Variants in MECOM observed in about 807,000 individuals in gnomAD.
MECOM encodes MDS1 and EVI1 complex locus.
Under a neutral mutation model 116.3 loss-of-function variants are expected in MECOM, and 13 were observed. The ratio of observed to expected loss-of-function variants is 0.11; its 90% confidence interval spans 0.07 to 0.18. MECOM has a LOEUF of 0.18. Ranked by LOEUF, MECOM falls within the 10% of genes least tolerant of loss-of-function variation. The pLI, the probability that MECOM is intolerant of heterozygous loss-of-function variation, is 1.00. For missense variants in MECOM, 1,299 were observed against 1,509.0 expected (o/e 0.86, Z 2.31); for synonymous variants, 528 against 535.2 (o/e 0.99, Z 0.19).
intron 2 of MECOM, among the ~76,000 whole-genome samples, chr3:169,148,194 G>A (rs1327819596): frequency 6.6e-6 from 1 of 152,120 alleles, no homozygotes; most frequent in East Asian, 1.9e-4. Flanking sequence ...GGTTTAGAGA[G>A]ATTGATGACT....
chr3:169,286,652 A>G (rs1560089861), intron 2 of MECOM, among the ~76,000 whole-genome samples: 2 of 152,214 alleles, frequency 1.3e-5, no homozygotes. Flanking sequence ...TCCCTAGATT[A>G]GAAAGGATTG....
intron 1 of MECOM, among the ~76,000 whole-genome samples, chr3:169,599,505 CTG>C (rs1767565924): frequency 8.1e-6 from 1 of 123,190 alleles, no homozygotes; most frequent in Non-Finnish European, 1.6e-5. Context: ...GAGTGAGACT[CTG>C]TCTCAAAAAA....
chr3:169,171,450 A>T (rs951805850), intron 2 of MECOM, among the ~76,000 whole-genome samples: 1 of 152,172 alleles, frequency 6.6e-6, no homozygotes, highest in South Asian at 2.1e-4. Context: ...GGTATCCAAT[A>T]CATATTTGAG....
At chr3:169,123,504 G>A (rs919374977) in intron 5 of MECOM, among the ~76,000 whole-genome samples, 8 of 151,756 alleles carry the variant, frequency 5.3e-5, no homozygotes, top group African/African-American at 1.9e-4. Flanking sequence ...TCAAATGTTT[G>A]CCCCCATTTT....
intron 1 of MECOM, among the ~76,000 whole-genome samples, chr3:169,534,720 G>T (rs180764082): frequency 1.6e-3 from 251 of 152,222 alleles, no homozygotes; most frequent in Middle Eastern, 6.8e-3. Flanking sequence ...ACTAACACAT[G>T]CAATCCTCAT....
intron 1 of MECOM, among the ~76,000 whole-genome samples, chr3:169,516,364 T>A (rs894823476): frequency 2.6e-5 from 4 of 152,178 alleles, no homozygotes; most frequent in African/African-American, 9.7e-5. Context: ...AAGAAAGCAA[T>A]CTGTTTCAGA....
chr3:169,646,077 C>CT (rs956268332), intron 1 of MECOM, among the ~76,000 whole-genome samples: 2 of 152,072 alleles, frequency 1.3e-5, no homozygotes, highest in Admixed American at 1.3e-4. Flanking sequence ...TGAACTCATC[C>CT]TTTTTTATGG....
intron 1 of MECOM, among the ~76,000 whole-genome samples, chr3:169,524,964 G>C (rs1279549380): frequency 1.4e-5 from 2 of 146,346 alleles, no homozygotes; most frequent in Non-Finnish European, 3.0e-5. Context: ...AAACTAAACT[G>C]CATACTTGTT....
chr3:169,343,399 G>T (rs1045562382), intron 2 of MECOM, among the ~76,000 whole-genome samples: 6 of 152,102 alleles, frequency 3.9e-5, no homozygotes, highest in Non-Finnish European at 8.8e-5. Context: ...CTTGAAAAGT[G>T]CAGTGAGTGG....
At chr3:169,597,286 G>T (rs1421506269) in intron 1 of MECOM, among the ~76,000 whole-genome samples, 5 of 152,240 alleles carry the variant, frequency 3.3e-5, no homozygotes, top group African/African-American at 1.2e-4. Flanking sequence ...GGGCGAAGAG[G>T]TGTGGAAACT....
At chr3:169,109,706 G>T (rs569957561) in intron 9 of MECOM, among the ~76,000 whole-genome samples, 1 of 152,116 alleles carries the variant, frequency 6.6e-6, no homozygotes, top group East Asian at 1.9e-4. Context: ...ATGAGTCACC[G>T]CACCCGGCCT....
intron 1 of MECOM, among the ~76,000 whole-genome samples, chr3:169,614,140 T>A (rs1044600254): frequency 1.3e-5 from 2 of 150,776 alleles, no homozygotes; most frequent in Non-Finnish European, 3.0e-5. Flanking sequence ...TCTCTCTCTT[T>A]CTCTCTCTCA....
intron 2 of MECOM, among the ~76,000 whole-genome samples, chr3:169,147,971 C>G (rs759353864): frequency 6.6e-6 from 1 of 151,868 alleles, no homozygotes; most frequent in African/African-American, 2.4e-5. Context: ...ACAGCAACCT[C>G]AAGAGTGAAA....
chr3:169,312,694 T>C (rs1577679448), intron 2 of MECOM, among the ~76,000 whole-genome samples: 1 of 152,158 alleles, frequency 6.6e-6, no homozygotes, highest in Admixed American at 6.5e-5. Context: ...AATTTTTTTT[T>C]ACCTGAGCAC....
chr3:169,147,150 T>G, intron 2 of MECOM: 3 of 985,644 alleles, frequency 3.0e-6, no homozygotes, highest in Non-Finnish European at 3.6e-6. Flanking sequence ...ATCAGCCCGA[T>G]GTGTAATGAA....
intron 2 of MECOM, among the ~76,000 whole-genome samples, chr3:169,247,244 T>C (rs1345777597): frequency 6.6e-6 from 1 of 152,022 alleles, no homozygotes; most frequent in African/African-American, 2.4e-5. Flanking sequence ...ATGAAAAATA[T>C]AGAATAAAAA....
chr3:169,181,564 C>G (rs1745971928), intron 2 of MECOM, among the ~76,000 whole-genome samples: 1 of 152,138 alleles, frequency 6.6e-6, no homozygotes, highest in Non-Finnish European at 1.5e-5. Context: ...AAAAATAATT[C>G]CAGACTTCAA....
chr3:169,462,022 G>A (rs560961578), intron 1 of MECOM, among the ~76,000 whole-genome samples: 24 of 151,956 alleles, frequency 1.6e-4, no homozygotes, highest in South Asian at 6.2e-4. Flanking sequence ...CCAAATATTC[G>A]CTAGTGTATT....
At position 169,147,063 on chromosome 3, in the gene MECOM, C is replaced by T. The variant is rs921813759; in HGVS notation, c.376-3231G>A. Reference sequence around the variant, plus strand: ...CGGGTTTGGTGTGTTTTGGCTTTTTCCCCCTTCCTAAATGAGCTCGGAGCT... The same window carrying T: ...CGGGTTTGGTGTGTTTTGGCTTTTTTCCCCTTCCTAAATGAGCTCGGAGCT... On this transcript the variant is annotated intron_variant, in intron 2 of 16. Transcript: ENST00000651503. 3 of 989,804 alleles carry T rather than the reference C, an allele frequency of 3.0e-6. No individual in the cohort carries two copies. In the African/African-American group the frequency reaches 5.2e-5, roughly 17 times the overall value. The allele number at this position is 989,804 out of a possible 1,614,324, so 61.3% of individuals were successfully genotyped here.
Sources: gnomAD v4.1 joint callset for allele counts (sites outside exome capture counted in the v4.1 genomes callset) on GRCh38, gnomAD v4.1.1 for gene constraint, MANE v1.5 for transcripts, NCBI Gene and HGNC (gene_info 2026-07-23, HGNC 2026-07-21) for gene names.